Variants in PDE7B observed in about 807,000 individuals in gnomAD.
The protein encoded by PDE7B is 3',5'-cyclic-AMP phosphodiesterase 7B.
Under a neutral mutation model 56.2 loss-of-function variants are expected in PDE7B, and 29 were observed. That is an observed-to-expected ratio of 0.52 (90% CI 0.38 to 0.70). PDE7B has a LOEUF of 0.70. Ranked by LOEUF, PDE7B falls within the 30% of genes least tolerant of loss-of-function variation. PDE7B has a pLI of 0.00. For missense variants in PDE7B, 490 were observed against 565.0 expected (o/e 0.87, Z 1.35); for synonymous variants, 197 against 196.9 (o/e 1.00, Z 0.00).
chr6:135,951,490 A>G (rs1774697875), intron 2 of PDE7B, among the ~76,000 whole-genome samples: 1 of 152,196 alleles, frequency 6.6e-6, no homozygotes, highest in Admixed American at 6.6e-5. Flanking sequence ...ATTTAAAGAA[A>G]TTATGTAAAA....
rs57073669 is a variant in PDE7B at position 136,173,440 on chromosome 6, G to T, written c.712-357G>T. 9.2e-3 allele frequency among the ~76,000 whole-genome samples: 1,401 copies of T among 152,290 alleles called. 28 individuals carry two copies. Among genetic ancestry groups the T allele is most frequent in the African/African-American group, 0.032 (1,310 of 41,542 alleles). On this transcript the variant is annotated intron_variant, in intron 8 of 12. Transcript: ENST00000308191. The stretch of plus-strand genomic sequence containing the variant: ...TTTAATAAATGGTGCTGGGAAAACT[G>T]GCTAGCCGTATGTAGAAAGCTGTCA...
At chr6:135,983,346 T>C (rs1051262446) in intron 2 of PDE7B, among the ~76,000 whole-genome samples, 1 of 152,166 alleles carries the variant, frequency 6.6e-6, no homozygotes, top group Non-Finnish European at 1.5e-5. Flanking sequence ...CTAGCTAAAA[T>C]CATTCAGGTA....
At chr6:135,954,612 T>C (rs1024870707) in intron 2 of PDE7B, among the ~76,000 whole-genome samples, 3 of 152,118 alleles carry the variant, frequency 2.0e-5, no homozygotes, top group Non-Finnish European at 4.4e-5. Context: ...GATATAATAA[T>C]GAGCAAGGTA....
chr6:136,173,090 A>G (rs1267320259), intron 8 of PDE7B, among the ~76,000 whole-genome samples: 1 of 151,578 alleles, frequency 6.6e-6, no homozygotes, highest in Non-Finnish European at 1.5e-5. Flanking sequence ...AAGGTAATTT[A>G]TAGATTCAAT....
chr6:136,102,745 G>A (rs1033758590), intron 2 of PDE7B, among the ~76,000 whole-genome samples: 3 of 152,232 alleles, frequency 2.0e-5, no homozygotes, highest in African/African-American at 7.2e-5. Context: ...AAACTATCAA[G>A]CTCAAAAATG....
intron 2 of PDE7B, among the ~76,000 whole-genome samples, chr6:136,079,684 G>A (rs116779333): frequency 7.4e-5 from 11 of 149,380 alleles, no homozygotes; most frequent in Non-Finnish European, 1.0e-4. Flanking sequence ...TTTAGCAGCC[G>A]GAAGTCGCAA....
chr6:135,917,990 G>A (rs150059275), intron 1 of PDE7B, among the ~76,000 whole-genome samples: 1 of 152,306 alleles, frequency 6.6e-6, no homozygotes, highest in African/African-American at 2.4e-5. Context: ...CCCCAATAGA[G>A]CTACATTGTT....
At chr6:135,988,218 A>G (rs1775416188) in intron 2 of PDE7B, among the ~76,000 whole-genome samples, 1 of 152,174 alleles carries the variant, frequency 6.6e-6, no homozygotes, top group African/African-American at 2.4e-5. Flanking sequence ...ATTTGTGGAT[A>G]CTTGGAGAAT....
In PDE7B at chr6:136,108,736, A is replaced by G. The variant is rs1347799715; in HGVS notation, c.88A>G (p.Ile30Val). Reference protein sequence around the residue: ...NAKCVCMLGDIRLRGQTGVRA... With the variant: ...NAKCVCMLGDVRLRGQTGVRA... ...TTGGATTTTCTGTTTTCTAGGAGAT[A>G]TACGACTAAGGGGTCAGACGGGGGT... Residue 30 changes from isoleucine to valine, a missense_variant, in exon 3 of 13, where the codon ATA becomes GTA. Transcript: ENST00000308191. 4 of 1,604,134 alleles carry G rather than the reference A, an allele frequency of 2.5e-6. No individual in the cohort carries two copies. Among genetic ancestry groups the G allele is most frequent in the East Asian group, 2.2e-5 (1 of 44,796 alleles).
chr6:136,006,549 G>T (rs527769027), intron 2 of PDE7B, among the ~76,000 whole-genome samples: 1 of 151,996 alleles, frequency 6.6e-6, no homozygotes, highest in Non-Finnish European at 1.5e-5. Flanking sequence ...CATGAGAATG[G>T]GATGTTTTTC....
chr6:135,934,769 ATATATATT>A (rs1417044689), intron 1 of PDE7B, among the ~76,000 whole-genome samples: 8 of 114,968 alleles, frequency 7.0e-5, no homozygotes, highest in African/African-American at 1.4e-4. Flanking sequence ...TTAAATATAT[ATATATATT>A]TATTATATAT....
chr6:136,150,388 T>C (rs1276414081), intron 5 of PDE7B, among the ~76,000 whole-genome samples: 3 of 152,160 alleles, frequency 2.0e-5, no homozygotes, highest in African/African-American at 7.2e-5. Context: ...TTTTTGTATA[T>C]GGTGAGAGAT....
At chr6:135,945,178 C>G (rs2327665) in intron 1 of PDE7B, among the ~76,000 whole-genome samples, 63,753 of 152,050 alleles carry the variant, frequency 0.42, 13,689 homozygotes, top group Admixed American at 0.53. Context: ...GGAACAAATA[C>G]TATGATCAGA....
intron 1 of PDE7B, among the ~76,000 whole-genome samples, chr6:135,946,376 A>G (rs1242295688): frequency 6.6e-6 from 1 of 151,916 alleles, no homozygotes; most frequent in Non-Finnish European, 1.5e-5. Context: ...TCTGTTTTGT[A>G]CCAAGACATT....
chr6:136,005,547 C>T (rs774360365), intron 2 of PDE7B, among the ~76,000 whole-genome samples: 1 of 152,162 alleles, frequency 6.6e-6, no homozygotes, highest in Non-Finnish European at 1.5e-5. Flanking sequence ...GGGTGAAGGA[C>T]ACGAACAGAC....
intron 1 of PDE7B, among the ~76,000 whole-genome samples, chr6:135,897,285 TGTGG>T (rs1372970674): frequency 6.6e-6 from 1 of 151,896 alleles, no homozygotes; most frequent in Non-Finnish European, 1.5e-5. Context: ...TGTGTGTGTG[TGTGG>T]GTATGTGTGT....
chr6:135,965,998 A>T (rs1205925804), intron 2 of PDE7B, among the ~76,000 whole-genome samples: 1 of 152,226 alleles, frequency 6.6e-6, no homozygotes, highest in African/African-American at 2.4e-5. Flanking sequence ...TGCCTGCAGT[A>T]TATTGCCATT....
At chr6:136,020,470 T>C (rs1776053304) in intron 2 of PDE7B, among the ~76,000 whole-genome samples, 1 of 152,222 alleles carries the variant, frequency 6.6e-6, no homozygotes. Flanking sequence ...GATAATATAA[T>C]ATAGCCTTTA....
intron 2 of PDE7B, among the ~76,000 whole-genome samples, chr6:135,960,211 A>G (rs970169932): frequency 2.0e-4 from 30 of 152,204 alleles, no homozygotes; most frequent in African/African-American, 7.2e-4. Context: ...ACATGTGACC[A>G]TACAAATTTG....
Sources: gnomAD v4.1 joint callset for allele counts (sites outside exome capture counted in the v4.1 genomes callset) on GRCh38, gnomAD v4.1.1 for gene constraint, MANE v1.5 for transcripts, NCBI Gene and HGNC (gene_info 2026-07-23, HGNC 2026-07-21) for gene names.